The following EYA2 variants were observed in gnomAD, a reference collection of about 807,000 sequenced individuals.
EYA2 encodes EYA transcriptional coactivator and phosphatase 2.
EYA2 carries 31 observed loss-of-function variants against 69.2 expected under a neutral mutation model. The ratio of observed to expected loss-of-function variants is 0.45; its 90% CI spans 0.34 to 0.60. EYA2 has a LOEUF of 0.60. Among genes scored for constraint, EYA2 ranks in the 20% least tolerant of loss-of-function variants. The pLI, the probability that EYA2 is intolerant of heterozygous loss-of-function variation, is 0.02. For missense variants in EYA2, 622 were observed against 701.2 expected (o/e 0.89, Z 1.28); for synonymous variants, 257 against 279.4 (o/e 0.92, Z 0.80).
At chr20:46,975,160 G>A (rs1433556397) in intron 1 of EYA2, among the ~76,000 whole-genome samples, 4 of 152,106 alleles carry the variant, frequency 2.6e-5, no homozygotes, top group Admixed American at 6.6e-5. Context: ...TGATGGAATC[G>A]TTCTCTAGAT....
chr20:47,171,408 G>C (rs1483821698), intron 11 of EYA2, among the ~76,000 whole-genome samples: 1 of 151,964 alleles, frequency 6.6e-6, no homozygotes, highest in African/African-American at 2.4e-5. Flanking sequence ...GTTTTGTTTT[G>C]TTTTGTTTTT....
chr20:46,958,204 C>T (rs962804767), intron 1 of EYA2, among the ~76,000 whole-genome samples: 4 of 152,166 alleles, frequency 2.6e-5, no homozygotes, highest in Non-Finnish European at 5.9e-5. Flanking sequence ...CCTGTGTCTC[C>T]CTCTCTGCCT....
At chr20:47,041,114 C>T (rs900737339) in intron 5 of EYA2, among the ~76,000 whole-genome samples, 1 of 152,178 alleles carries the variant, frequency 6.6e-6, no homozygotes, top group African/African-American at 2.4e-5. Flanking sequence ...CCCTGCTCCT[C>T]CTGCCAGCCC....
At chr20:47,118,961 A>C (rs1328669457) in intron 9 of EYA2, among the ~76,000 whole-genome samples, 1 of 152,224 alleles carries the variant, frequency 6.6e-6, no homozygotes, top group Non-Finnish European at 1.5e-5. Flanking sequence ...AACCTACAAC[A>C]AATTGTCAGC....
intron 5 of EYA2, among the ~76,000 whole-genome samples, chr20:47,037,719 CTT>C (rs1400995037): frequency 2.0e-5 from 3 of 152,192 alleles, no homozygotes; most frequent in Non-Finnish European, 4.4e-5. Flanking sequence ...CTCTCTGACT[CTT>C]TCTGCTGCCT....
intron 8 of EYA2, among the ~76,000 whole-genome samples, chr20:47,095,494 A>C (rs1335813677): frequency 6.6e-6 from 1 of 152,152 alleles, no homozygotes; most frequent in African/African-American, 2.4e-5. Flanking sequence ...CTGAAGTGCC[A>C]AACAGAATTC....
chr20:47,128,171 G>A (rs771243983), intron 9 of EYA2, among the ~76,000 whole-genome samples: 1 of 152,168 alleles, frequency 6.6e-6, no homozygotes, highest in Non-Finnish European at 1.5e-5. Context: ...CAAGGTGTCT[G>A]GTTCCCGCAG....
intron 5 of EYA2, among the ~76,000 whole-genome samples, chr20:47,056,580 C>T (rs2030622472): frequency 6.6e-6 from 1 of 152,140 alleles, no homozygotes; most frequent in African/African-American, 2.4e-5. Context: ...GCCAGATAAA[C>T]AAACTATGCT....
chr20:47,161,213 C>A, intron 10 of EYA2: 1 of 473,470 alleles, frequency 2.1e-6, no homozygotes, highest in South Asian at 2.0e-5. Flanking sequence ...GCCGATCTTG[C>A]TCCCCCAGTA....
At chr20:47,181,082 C>T in intron 14 of EYA2, 146 bp downstream of exon 14, 1 of 1,122,608 alleles carries the variant, frequency 8.9e-7, no homozygotes, top group Non-Finnish European at 1.2e-6. Flanking sequence ...CCAAAACAGC[C>T]CCCATAGACC....
intron 9 of EYA2, among the ~76,000 whole-genome samples, chr20:47,109,719 A>T (rs1241326226): frequency 6.6e-6 from 1 of 152,126 alleles, no homozygotes; most frequent in African/African-American, 2.4e-5. Flanking sequence ...ATTGCCATAC[A>T]TACAACTCTA....
At chr20:46,947,586 C>T (rs2026507) in intron 1 of EYA2, among the ~76,000 whole-genome samples, 48,112 of 152,116 alleles carry the variant, frequency 0.32, 9,421 homozygotes, top group Non-Finnish European at 0.44. Context: ...CTTAAATCAA[C>T]AGACATTTAT....
chr20:46,944,385 G>C (rs756317682), intron 1 of EYA2, among the ~76,000 whole-genome samples: 3 of 152,132 alleles, frequency 2.0e-5, no homozygotes, highest in African/African-American at 7.2e-5. Flanking sequence ...GTGCAGCCTC[G>C]GTCTCCTCAC....
chr20:47,122,058 T>C (rs1336693252), intron 9 of EYA2, among the ~76,000 whole-genome samples: 1 of 151,936 alleles, frequency 6.6e-6, no homozygotes, highest in Non-Finnish European at 1.5e-5. Context: ...AATCCAGCTT[T>C]CTGGTTTCTT....
chr20:46,919,592 T>C (rs1212071791), intron 1 of EYA2, among the ~76,000 whole-genome samples: 1 of 152,226 alleles, frequency 6.6e-6, no homozygotes, highest in African/African-American at 2.4e-5. Flanking sequence ...GGATTAGCCT[T>C]TGGTGTATGG....
At chr20:47,168,015 C>T (rs182359011) in intron 10 of EYA2, among the ~76,000 whole-genome samples, 25 of 152,054 alleles carry the variant, frequency 1.6e-4, no homozygotes, top group Admixed American at 7.2e-4. Context: ...CACCATTCAG[C>T]AGCCCCAGGG....
At chr20:47,024,039 G>A (rs1460378529) in intron 5 of EYA2, among the ~76,000 whole-genome samples, 5 of 152,072 alleles carry the variant, frequency 3.3e-5, no homozygotes, top group Admixed American at 6.6e-5. Flanking sequence ...TTTAATGTCC[G>A]TGTCTAATTC....
chr20:47,068,481 G>C lies in EYA2; in HGVS notation c.416-3704G>C, dbSNP rs143591829. On this transcript the variant is annotated intron_variant, in intron 5 of 15. Coordinates refer to ENST00000327619, the MANE Select transcript of EYA2 (RefSeq NM_005244.5). Reference sequence around the variant, plus strand: ...ATAAAGAATTTGGCATGGACTATTGGTTCTCAATTCTCAGTGTGTACTAGG... The same window carrying C: ...ATAAAGAATTTGGCATGGACTATTGCTTCTCAATTCTCAGTGTGTACTAGG... 4.8e-3 allele frequency among the ~76,000 whole-genome samples: 729 copies of C among 152,258 alleles called. 4 individuals are homozygous for C. The highest frequency in any genetic ancestry group is 0.011 in the Admixed American group (167 of 15,306).
At chr20:46,938,971 A>T (rs1986035029) in intron 1 of EYA2, among the ~76,000 whole-genome samples, 1 of 152,206 alleles carries the variant, frequency 6.6e-6, no homozygotes, top group Non-Finnish European at 1.5e-5. Flanking sequence ...AAATTCTCCC[A>T]GATGTCTCAA....
Sources: allele counts gnomAD v4.1 joint callset (sites outside exome capture counted in the v4.1 genomes callset), GRCh38; gene constraint gnomAD v4.1.1; transcripts MANE v1.5; gene names NCBI Gene and HGNC (gene_info 2026-07-23, HGNC 2026-07-21).